The following FGF14 variants were observed in gnomAD, a reference collection of about 807,000 sequenced individuals.
FGF14 encodes the protein fibroblast growth factor homologous factor 4.
Under a neutral mutation model 25.5 loss-of-function variants are expected in FGF14, and 5 were observed. The observed-to-expected ratio is 0.20, with a 90% CI of 0.10 to 0.41. The LOEUF (loss-of-function observed/expected upper bound fraction) is 0.41, where lower values mean the gene tolerates loss of function less well. FGF14 is among the 10% of genes least tolerant of loss of function. The pLI is 1.00. For missense variants in FGF14, 222 were observed against 320.1 expected, an observed-to-expected ratio of 0.69 and a Z score of 2.34; for synonymous variants, 138 against 118.3, an observed-to-expected ratio of 1.17 and a Z score of -1.08.
intron 3 of FGF14, among the ~76,000 whole-genome samples, chr13:101,802,903 G>C (rs1004151347): frequency 6.6e-6 from 1 of 152,116 alleles, no homozygotes; most frequent in Admixed American, 6.5e-5. Flanking sequence ...CTGGCTTCGT[G>C]TTGAGGCTGT....
intron 1 of FGF14, among the ~76,000 whole-genome samples, chr13:102,171,880 T>C (rs957142298): frequency 3.7e-5 from 4 of 107,208 alleles, no homozygotes; most frequent in African/African-American, 1.4e-4. Context: ...ACAAAATCTT[T>C]AAATATTCTA....
At chr13:102,264,469 G>C (rs750564806) in intron 1 of FGF14, among the ~76,000 whole-genome samples, 5 of 152,068 alleles carry the variant, frequency 3.3e-5, no homozygotes, top group Non-Finnish European at 5.9e-5. Flanking sequence ...GTTTTTTCTA[G>C]TACAATACCA....
At chr13:102,238,976 T>C (rs897761071) in intron 1 of FGF14, among the ~76,000 whole-genome samples, 1 of 152,028 alleles carries the variant, frequency 6.6e-6, no homozygotes, top group Non-Finnish European at 1.5e-5. Flanking sequence ...GCCTATCTGC[T>C]TAATGGAGTG....
Position 101,717,413 on chromosome 13 carries a change from G to C in FGF14, c.*5418C>G, listed in dbSNP as rs896610392. ...CCGTAAAATGAGGGAAATATAAGTA[G>C]TCAATAAATAATGTAGGTTATATTC... On this transcript the variant is annotated 3_prime_UTR_variant, in exon 5 of 5. Transcript: ENST00000376143. The C allele has an allele frequency of 6.6e-6, 1 of 152,070 alleles. No individual in the cohort carries two copies. Among genetic ancestry groups the C allele is most frequent in the African/African-American group, 2.4e-5 (1 of 41,420 alleles). 9.4% of individuals were successfully genotyped at this position (152,070 alleles called of 1,614,324 possible).
At chr13:101,826,163 G>A (rs184594342) in intron 3 of FGF14, among the ~76,000 whole-genome samples, 28 of 152,072 alleles carry the variant, frequency 1.8e-4, no homozygotes, top group Admixed American at 6.6e-5. Context: ...CTTTCTCACC[G>A]TTAAAACATG....
At chr13:101,923,217 G>A (rs1275848682) in intron 1 of FGF14, among the ~76,000 whole-genome samples, 2 of 151,964 alleles carry the variant, frequency 1.3e-5, no homozygotes, top group African/African-American at 4.8e-5. Flanking sequence ...TTTGTCACAT[G>A]GTTTCCTTTG....
At chr13:102,173,076 A>G (rs1472984736) in intron 1 of FGF14, among the ~76,000 whole-genome samples, 1 of 152,214 alleles carries the variant, frequency 6.6e-6, no homozygotes, top group Non-Finnish European at 1.5e-5. Flanking sequence ...GAATATTTGC[A>G]AACCATATAG....
At chr13:102,230,119 T>G (rs1410974340) in intron 1 of FGF14, among the ~76,000 whole-genome samples, 5 of 152,106 alleles carry the variant, frequency 3.3e-5, no homozygotes, top group Non-Finnish European at 7.4e-5. Context: ...TTAGTGCTCT[T>G]ATAAGAAGGT....
chr13:102,300,994 A>G (rs1462875305), intron 1 of FGF14, among the ~76,000 whole-genome samples: 5 of 151,840 alleles, frequency 3.3e-5, no homozygotes, highest in African/African-American at 4.8e-5. Flanking sequence ...TCAAATTGAT[A>G]ATCACTATAT....
rs1284344679 is a variant in FGF14 at position 101,980,643 on chromosome 13, A to G, written c.209-105347T>C. Among the ~76,000 whole-genome samples, 9 of 152,306 alleles carry G rather than the reference A, an allele frequency of 5.9e-5. No individual in the cohort carries two copies. The East Asian group carries it at 1.7e-3, about 29-fold the overall frequency. ...CGCAATATTCCAATACATTTGCTAC[A>G]GTGGATCAAGGCATCTTCTTTAGAA... is the stretch of plus-strand genomic sequence containing the variant. On this transcript the variant is annotated intron_variant, in intron 1 of 4. Transcript: ENST00000376131.
At chr13:102,130,646 A>C (rs1441309052) in intron 1 of FGF14, among the ~76,000 whole-genome samples, 1 of 152,174 alleles carries the variant, frequency 6.6e-6, no homozygotes, top group African/African-American at 2.4e-5. Context: ...GGTTCTACCT[A>C]TCACAGGTAG....
chr13:101,789,163 C>T (rs1292378263), intron 3 of FGF14, among the ~76,000 whole-genome samples: 1 of 151,704 alleles, frequency 6.6e-6, no homozygotes, highest in Non-Finnish European at 1.5e-5. Flanking sequence ...TGTGTAAGAA[C>T]TTTTCCATTC....
At chr13:101,993,790 G>T (rs1244350739) in intron 1 of FGF14, among the ~76,000 whole-genome samples, 1 of 151,898 alleles carries the variant, frequency 6.6e-6, no homozygotes, top group Admixed American at 6.6e-5. Context: ...GAGGAAAAAA[G>T]CAGCAAAGAA....
intron 1 of FGF14, among the ~76,000 whole-genome samples, chr13:102,376,320 G>A (rs1483211256): frequency 6.6e-6 from 1 of 152,158 alleles, no homozygotes; most frequent in Non-Finnish European, 1.5e-5. Flanking sequence ...CCTCTGCCAT[G>A]ATTATGAGGC....
intron 3 of FGF14, among the ~76,000 whole-genome samples, chr13:101,861,708 T>C (rs899936559): frequency 3.3e-5 from 5 of 151,984 alleles, no homozygotes; most frequent in African/African-American, 4.8e-5. Flanking sequence ...ACAGAACCCC[T>C]GCCCCCACAG....
rs2036867632 is a variant in FGF14 at position 101,961,683 on chromosome 13, G to T, written c.209-86387C>A. Among the ~76,000 whole-genome samples, 6 of 152,244 alleles carry T rather than the reference G, an allele frequency of 3.9e-5. No homozygotes were observed. The South Asian group carries it at 1.2e-3, about 32-fold the overall frequency. On this transcript the variant is annotated intron_variant, in intron 1 of 4. Coordinates refer to the FGF14 transcript ENST00000376131. The stretch of plus-strand genomic sequence containing the variant: ...CCATGCTGTTCTCATGATAGTGAAT[G>T]AGGTGTCAGGAGATCTAATGGTTTT...
chr13:102,350,068 G>C (rs2057230932), intron 1 of FGF14, among the ~76,000 whole-genome samples: 1 of 152,152 alleles, frequency 6.6e-6, no homozygotes, highest in Non-Finnish European at 1.5e-5. Flanking sequence ...ACACACTTGT[G>C]AAAACATTCA....
At chr13:102,350,129 G>A (rs2057232631) in intron 1 of FGF14, among the ~76,000 whole-genome samples, 1 of 152,110 alleles carries the variant, frequency 6.6e-6, no homozygotes, top group South Asian at 2.1e-4. Context: ...ACAGCATACA[G>A]CAGGTAATTT....
At chr13:102,006,466 C>G (rs185769609) in intron 1 of FGF14, among the ~76,000 whole-genome samples, 6 of 152,276 alleles carry the variant, frequency 3.9e-5, no homozygotes, top group African/African-American at 1.4e-4. Flanking sequence ...TATTTTCAAT[C>G]TGTTGTCATT....
Sources: allele counts gnomAD v4.1 joint callset (sites outside exome capture counted in the v4.1 genomes callset), GRCh38; gene constraint gnomAD v4.1.1; transcripts MANE v1.5; gene names NCBI Gene and HGNC (gene_info 2026-07-23, HGNC 2026-07-21).